TNRC6C: variants seen among roughly 807,000 people sequenced by gnomAD.
TNRC6C encodes the protein trinucleotide repeat-containing gene 6C protein.
A neutral mutation model predicts 153.7 loss-of-function variants in TNRC6C; 20 were observed. The ratio of observed to expected loss-of-function variants is 0.13; its 90% CI spans 0.09 to 0.19. The LOEUF is 0.19. Ranked by LOEUF, TNRC6C falls within the 10% of genes least tolerant of loss-of-function variation. The probability of loss-of-function intolerance (pLI) is 1.00; values close to 1 mark genes in which losing one functional copy is unlikely to be tolerated. For synonymous variants in TNRC6C, 811 were observed against 841.4 expected (o/e 0.96, Z 0.63); for missense variants, 1,987 against 2,172.0 (o/e 0.91, Z 1.69).
chr17:78,084,622 T>TC (rs1491487566), intron 11 of TNRC6C, among the ~76,000 whole-genome samples: 1 of 77,094 alleles, frequency 1.3e-5, no homozygotes, highest in Admixed American at 1.4e-4. Context: ...TTTCTTTTTC[T>TC]TTTTTTTTTT....
chr17:77,997,475 C>A (rs759795352), intron 1 of TNRC6C, among the ~76,000 whole-genome samples: 7 of 152,000 alleles, frequency 4.6e-5, no homozygotes, highest in Non-Finnish European at 1.0e-4. Flanking sequence ...GTGCATGGTC[C>A]TCTGGTTAAC....
At chr17:78,070,010 G>A (rs1220753103) in intron 5 of TNRC6C, among the ~76,000 whole-genome samples, 1 of 152,128 alleles carries the variant, frequency 6.6e-6, no homozygotes. Flanking sequence ...TTTATACCTT[G>A]TTTATACTTT....
chr17:77,961,157 CTTT>C (rs1219661580), intron 1 of TNRC6C, among the ~76,000 whole-genome samples: 4 of 136,446 alleles, frequency 2.9e-5, no homozygotes, highest in South Asian at 4.7e-4. Flanking sequence ...CTCGGTTTTA[CTTT>C]TTTTTTTTTT....
At chr17:78,060,051 G>A (rs1439961433) in intron 3 of TNRC6C, among the ~76,000 whole-genome samples, 1 of 152,042 alleles carries the variant, frequency 6.6e-6, no homozygotes, top group East Asian at 1.9e-4. Context: ...GCAGCTCAAG[G>A]CCCGTGGTCA....
intron 1 of TNRC6C, among the ~76,000 whole-genome samples, chr17:78,029,808 GAC>G (rs57924935): frequency 0.39 from 56,403 of 145,996 alleles, 10,769 homozygotes; most frequent in African/African-American, 0.45. Context: ...TAAAAACCTA[GAC>G]ACACACACAC....
At chr17:77,982,291 A>G (rs2071089795) in intron 1 of TNRC6C, among the ~76,000 whole-genome samples, 1 of 152,184 alleles carries the variant, frequency 6.6e-6, no homozygotes. Flanking sequence ...TCTATTATAT[A>G]TTATGAATTA....
At chr17:78,051,997 C>T (rs938438190) in intron 3 of TNRC6C, among the ~76,000 whole-genome samples, 1 of 152,118 alleles carries the variant, frequency 6.6e-6, no homozygotes, top group African/African-American at 2.4e-5. Flanking sequence ...GTGGCAAAGT[C>T]GTGAGCATGT....
intron 1 of TNRC6C, among the ~76,000 whole-genome samples, chr17:77,989,129 AAGG>A (rs1252242877): frequency 6.6e-6 from 1 of 152,188 alleles, no homozygotes; most frequent in African/African-American, 2.4e-5. Context: ...AGTTCTGAAG[AAGG>A]GAGGGACCAG....
At chr17:78,015,628 T>G (rs1405071383) in intron 1 of TNRC6C, among the ~76,000 whole-genome samples, 2 of 152,156 alleles carry the variant, frequency 1.3e-5, no homozygotes, top group Non-Finnish European at 2.9e-5. Context: ...ATGTACTACT[T>G]GGGCCAGGCA....
chr17:77,990,743 G>A (rs1186638427), intron 1 of TNRC6C, among the ~76,000 whole-genome samples: 2 of 152,168 alleles, frequency 1.3e-5, no homozygotes, highest in Non-Finnish European at 2.9e-5. Context: ...TATGGCCTCA[G>A]TATAATGTTT....
chr17:78,004,990 T>C, upstream of TNRC6C: 1 of 1,110,548 alleles, frequency 9.0e-7, no homozygotes, highest in East Asian at 3.2e-5. Flanking sequence ...CTTTCATAGA[T>C]GTGTACATTC....
intron 1 of TNRC6C, among the ~76,000 whole-genome samples, chr17:77,989,588 T>C (rs182248881): frequency 1.1e-4 from 17 of 152,366 alleles, no homozygotes; most frequent in African/African-American, 3.1e-4. Context: ...AAATTACTTA[T>C]GAAAAACTGA....
intron 3 of TNRC6C, among the ~76,000 whole-genome samples, chr17:78,063,282 G>A (rs1054316706): frequency 4.0e-5 from 6 of 148,626 alleles, no homozygotes; most frequent in Non-Finnish European, 7.4e-5. Flanking sequence ...ATATATATAT[G>A]TATAATTTTA....
intron 16 of TNRC6C, among the ~76,000 whole-genome samples, chr17:78,097,083 C>G (rs1463029338): frequency 2.0e-5 from 3 of 152,140 alleles, no homozygotes; most frequent in Non-Finnish European, 4.4e-5. Flanking sequence ...GGTGTGGTGG[C>G]ATGCACCTGT....
upstream of TNRC6C, among the ~76,000 whole-genome samples, chr17:77,958,528 C>G (rs989647567): frequency 6.6e-6 from 1 of 151,950 alleles, no homozygotes. Flanking sequence ...GAGGGGCGCG[C>G]GGGGGAGGAG....
intron 1 of TNRC6C, among the ~76,000 whole-genome samples, chr17:78,008,143 A>G (rs2071555540): frequency 6.6e-6 from 1 of 152,228 alleles, no homozygotes; most frequent in Non-Finnish European, 1.5e-5. Flanking sequence ...TCAAACTTGA[A>G]CTATGAATTC....
chr17:78,034,842 G>A (rs117311452), intron 2 of TNRC6C, among the ~76,000 whole-genome samples: 2,069 of 152,264 alleles, frequency 0.014, 18 homozygotes, highest in Non-Finnish European at 0.023. Context: ...GGTGGCATGT[G>A]CCTGTGGTCC....
intron 3 of TNRC6C, among the ~76,000 whole-genome samples, chr17:78,053,092 GCC>G (rs911809343): frequency 1.6e-3 from 243 of 152,140 alleles, no homozygotes; most frequent in African/African-American, 5.6e-3. Flanking sequence ...ATGTCACGTT[GCC>G]CCCCGACCCC....
At chr17:78,059,561 T>C (rs1399045284) in intron 3 of TNRC6C, among the ~76,000 whole-genome samples, 2 of 152,138 alleles carry the variant, frequency 1.3e-5, no homozygotes, top group East Asian at 3.9e-4. Flanking sequence ...GAAAATACAG[T>C]GTGAGGCCGG....
Sources: allele counts gnomAD v4.1 joint callset (sites outside exome capture counted in the v4.1 genomes callset), GRCh38; gene constraint gnomAD v4.1.1; transcripts MANE v1.5; gene names NCBI Gene and HGNC (gene_info 2026-07-23, HGNC 2026-07-21).